CSMD1: variants seen among roughly 807,000 people sequenced by gnomAD.
CSMD1 encodes the protein CUB and sushi domain-containing protein 1.
Under a neutral mutation model 417.5 loss-of-function variants are expected in CSMD1, and 213 were observed. The observed-to-expected ratio is 0.51, with a 90% confidence interval of 0.46 to 0.57. CSMD1 has a LOEUF of 0.57. Ranked by LOEUF, CSMD1 falls within the 20% of genes least tolerant of loss-of-function variation. CSMD1 has a pLI of 0.00. For missense variants in CSMD1, 6,923 were observed against 4,529.7 expected, an observed-to-expected ratio of 1.53 and a Z score of -15.17; for synonymous variants, 2,862 against 1,736.8, an observed-to-expected ratio of 1.65 and a Z score of -16.11.
chr8:4,939,314 A>G (rs1216746478), intron 1 of CSMD1, among the ~76,000 whole-genome samples: 1 of 152,242 alleles, frequency 6.6e-6, no homozygotes, highest in Admixed American at 6.5e-5. Flanking sequence ...CATCCAAAGG[A>G]GAAGTCCATA....
intron 6 of CSMD1, among the ~76,000 whole-genome samples, chr8:3,748,626 G>C (rs1253952848): frequency 1.3e-5 from 2 of 152,216 alleles, no homozygotes; most frequent in Non-Finnish European, 2.9e-5. Context: ...CCTAGATAGA[G>C]CTCTGGAAAC....
At chr8:3,659,014 T>A (rs1798271185) in intron 7 of CSMD1, among the ~76,000 whole-genome samples, 1 of 152,208 alleles carries the variant, frequency 6.6e-6, no homozygotes, top group Non-Finnish European at 1.5e-5. Flanking sequence ...TTCTAGGTCC[T>A]CAGAGCAGTG....
chr8:4,773,409 C>A (rs1316732235), intron 1 of CSMD1, among the ~76,000 whole-genome samples: 1 of 152,142 alleles, frequency 6.6e-6, no homozygotes, highest in African/African-American at 2.4e-5. Flanking sequence ...GTTTCTGCAG[C>A]AGTTGCTTTA....
intron 10 of CSMD1, among the ~76,000 whole-genome samples, chr8:3,546,771 T>C (rs766183835): frequency 6.6e-6 from 1 of 152,206 alleles, no homozygotes; most frequent in Non-Finnish European, 1.5e-5. Context: ...TTTCATGACA[T>C]GAACTTTTTG....
chr8:3,620,536 G>C (rs1802373482), intron 7 of CSMD1, among the ~76,000 whole-genome samples: 1 of 152,112 alleles, frequency 6.6e-6, no homozygotes, highest in Non-Finnish European at 1.5e-5. Context: ...TAAGGGAGCA[G>C]ACTTGTAAGG....
intron 5 of CSMD1, among the ~76,000 whole-genome samples, chr8:3,851,069 T>C (rs1055741872): frequency 2.0e-5 from 3 of 152,228 alleles, no homozygotes; most frequent in African/African-American, 7.2e-5. Context: ...AGAAGGAATA[T>C]TTCAAATCTA....
rs79979134 is a variant in CSMD1, at chr8:4,847,187, A to C, written c.85+147145T>G. ...TAAGTCACTCTCTTTTTGCATGCAA[A>C]TCTAAGGTCTCTCACTATATGAAAT... On this transcript the variant is annotated intron_variant, in intron 1 of 69. Coordinates refer to ENST00000635120, the MANE Select transcript of CSMD1 (RefSeq NM_033225.6). Among the ~76,000 whole-genome samples the C allele has an allele frequency of 9.6e-3, 1,462 of 152,296 alleles. 11 individuals are homozygous for C. Among genetic ancestry groups the C allele is most frequent in the Non-Finnish European group, 0.016 (1,107 of 68,014 alleles).
chr8:3,523,414 G>A (rs766134911), intron 10 of CSMD1, among the ~76,000 whole-genome samples: 60 of 152,328 alleles, frequency 3.9e-4, no homozygotes, highest in African/African-American at 1.3e-3. Context: ...AGATCAAAGC[G>A]TTTGCAACCT....
rs1198700034 is a variant in CSMD1, at chr8:4,427,849, A to C, written c.303-7784T>G. On this transcript the variant is annotated intron_variant, in intron 2 of 69. Transcript: ENST00000635120. ...CCTATTGAATAATTCTTTTTCTTAA[A>C]ACCCTGTTGAATTTTAAAGTCAGGG... 1.3e-5 allele frequency among the ~76,000 whole-genome samples: 2 copies of C among 152,144 alleles called. 1 individual carries two copies. Among genetic ancestry groups the C allele is most frequent in the Non-Finnish European group, 2.9e-5 (2 of 68,018 alleles).
At chr8:4,836,111 C>A (rs1675164387) in intron 1 of CSMD1, among the ~76,000 whole-genome samples, 1 of 152,096 alleles carries the variant, frequency 6.6e-6, no homozygotes. Context: ...ACTGTCAGAG[C>A]TTCAGCTTTC....
intron 32 of CSMD1, 80 bp from the exon 33 acceptor site, chr8:3,199,889 G>C (rs768523088): frequency 6.4e-6 from 5 of 785,710 alleles, no homozygotes; most frequent in Non-Finnish European, 1.0e-5. Flanking sequence ...TGGTGATAAA[G>C]TTGAAATTTC....
intron 3 of CSMD1, among the ~76,000 whole-genome samples, chr8:4,333,340 G>C (rs1178764064): frequency 6.6e-6 from 1 of 152,114 alleles, no homozygotes; most frequent in Non-Finnish European, 1.5e-5. Flanking sequence ...AGATGATACA[G>C]AAAGGGCGAG....
chr8:4,413,605 T>G (rs1378973765), intron 3 of CSMD1, among the ~76,000 whole-genome samples: 1 of 152,178 alleles, frequency 6.6e-6, no homozygotes, highest in Non-Finnish European at 1.5e-5. Context: ...AGATCTACCC[T>G]TATAACGAAT....
intron 10 of CSMD1, among the ~76,000 whole-genome samples, chr8:3,572,187 C>T (rs1585389798): frequency 6.6e-6 from 1 of 152,180 alleles, no homozygotes; most frequent in Non-Finnish European, 1.5e-5. Context: ...ACTCCTTCTC[C>T]ACCCAGGAAG....
At chr8:4,340,439 G>A (rs747610233) in intron 3 of CSMD1, among the ~76,000 whole-genome samples, 13 of 151,988 alleles carry the variant, frequency 8.6e-5, no homozygotes, top group African/African-American at 1.7e-4. Context: ...ATTAAGCTGC[G>A]CATTCCTTGA....
chr8:4,970,609 C>G (rs1343303050), intron 1 of CSMD1, among the ~76,000 whole-genome samples: 2 of 151,954 alleles, frequency 1.3e-5, no homozygotes, highest in Non-Finnish European at 2.9e-5. Context: ...TATCTCTACT[C>G]TTTACAATGA....
intron 3 of CSMD1, among the ~76,000 whole-genome samples, chr8:4,059,000 A>C (rs1221809866): frequency 6.6e-6 from 1 of 151,992 alleles, no homozygotes; most frequent in Admixed American, 6.6e-5. Flanking sequence ...TTCTTTTCAG[A>C]ACCACACCAC....
intron 12 of CSMD1, among the ~76,000 whole-genome samples, chr8:3,413,566 T>C (rs571558771): frequency 6.6e-6 from 1 of 152,354 alleles, no homozygotes; most frequent in African/African-American, 2.4e-5. Context: ...CCTTTAGTTA[T>C]AGAAGAAATG....
chr8:3,079,285 A>G (rs558974519), intron 49 of CSMD1, among the ~76,000 whole-genome samples: 1 of 152,352 alleles, frequency 6.6e-6, no homozygotes, highest in South Asian at 2.1e-4. Context: ...TGGCTGACAT[A>G]ATGCCTACAA....
Sources: allele counts gnomAD v4.1 joint callset (sites outside exome capture counted in the v4.1 genomes callset), GRCh38; gene constraint gnomAD v4.1.1; transcripts MANE v1.5; gene names NCBI Gene and HGNC (gene_info 2026-07-23, HGNC 2026-07-21).